The following NPAS3 variants were observed in gnomAD, a reference collection of about 807,000 sequenced individuals.
NPAS3 encodes the protein neuronal PAS domain-containing protein 3.
NPAS3 carries 14 observed loss-of-function variants against 73.1 expected under a neutral mutation model. The observed-to-expected ratio is 0.19, with a 90% CI of 0.13 to 0.30. The LOEUF (loss-of-function observed/expected upper bound fraction) is 0.30. NPAS3 is among the 10% of genes least tolerant of loss of function. The probability of loss-of-function intolerance (pLI) is 1.00; values close to 1 mark genes in which losing one functional copy is unlikely to be tolerated. For missense variants in NPAS3, 1,096 were observed against 1,250.0 expected, an observed-to-expected ratio of 0.88 and a Z score of 1.86; for synonymous variants, 620 against 541.5, an observed-to-expected ratio of 1.14 and a Z score of -2.01.
At chr14:33,065,557 G>T (rs967732020) in intron 2 of NPAS3, among the ~76,000 whole-genome samples, 3 of 152,074 alleles carry the variant, frequency 2.0e-5, no homozygotes, top group African/African-American at 7.2e-5. Flanking sequence ...TGGCAAATTT[G>T]AGACGTTGTG....
At chr14:33,170,180 C>T (rs558969516) in intron 2 of NPAS3, among the ~76,000 whole-genome samples, 45 of 152,194 alleles carry the variant, frequency 3.0e-4, no homozygotes, top group Admixed American at 2.2e-3. Context: ...TACAATAAAA[C>T]GAATATCACA....
intron 7 of NPAS3, among the ~76,000 whole-genome samples, chr14:33,748,213 C>T (rs1031876125): frequency 6.6e-6 from 1 of 151,922 alleles, no homozygotes; most frequent in East Asian, 1.9e-4. Flanking sequence ...TGTTCTAGTC[C>T]CTTTAAAAGA....
In NPAS3 at chr14:33,800,746, G is replaced by A. The variant is rs770246585; in HGVS notation, c.2439G>A (p.Leu813=). 1.4e-5 allele frequency: 22 copies of A among 1,561,326 alleles called. No individual in the cohort carries two copies. Among genetic ancestry groups the A allele is most frequent in the Middle Eastern group, 1.8e-4 (1 of 5,686 alleles). ...TGGTGCACAGGGTGACCGGGACCCT[G>A]GCCGCCACCAGCACGGCCGCGCAGA... The change falls in exon 12 of 12, where the codon CTG becomes CTA. Residue 813 remains leucine, a synonymous_variant. Coordinates refer to ENST00000356141, the Ensembl canonical transcript of NPAS3. This position sits in a 1 kb window ranked among gnomAD's most constrained non-coding sequence, Gnocchi z 6.5.
intron 1 of NPAS3, among the ~76,000 whole-genome samples, chr14:33,018,718 TTTAG>T (rs1440200964): frequency 6.6e-6 from 1 of 152,152 alleles, no homozygotes; most frequent in Non-Finnish European, 1.5e-5. Context: ...AAACCATAAT[TTTAG>T]TTAGTAAAAT....
At chr14:33,324,103 G>A (rs2043581826) in intron 3 of NPAS3, among the ~76,000 whole-genome samples, 1 of 152,224 alleles carries the variant, frequency 6.6e-6, no homozygotes, top group African/African-American at 2.4e-5. Context: ...TGAGTGGAAG[G>A]TTTGACAGTT....
intron 4 of NPAS3, among the ~76,000 whole-genome samples, chr14:33,399,396 A>T (rs1444006339): frequency 6.6e-6 from 1 of 152,064 alleles, no homozygotes; most frequent in Non-Finnish European, 1.5e-5. Flanking sequence ...CCCTGAAAGT[A>T]TGCAGGCTGT....
At chr14:33,329,365 T>C (rs2043873966) in intron 3 of NPAS3, among the ~76,000 whole-genome samples, 1 of 152,120 alleles carries the variant, frequency 6.6e-6, no homozygotes, top group Non-Finnish European at 1.5e-5. Context: ...ATGAAGCCTG[T>C]GCTGTTGTGA....
chr14:33,294,687 C>G (rs1349035586), intron 3 of NPAS3, among the ~76,000 whole-genome samples: 1 of 152,052 alleles, frequency 6.6e-6, no homozygotes, highest in Admixed American at 6.6e-5. Context: ...GCATCACTAC[C>G]CGTAAATAAT....
chr14:33,656,855 C>T (rs888710603), intron 5 of NPAS3, among the ~76,000 whole-genome samples: 3 of 152,170 alleles, frequency 2.0e-5, no homozygotes, highest in Non-Finnish European at 2.9e-5. Context: ...CAAAATCTCC[C>T]ATTTCCTTCA....
intron 1 of NPAS3, among the ~76,000 whole-genome samples, chr14:33,005,281 T>C (rs568288853): frequency 2.5e-4 from 38 of 152,262 alleles, no homozygotes; most frequent in Admixed American, 3.9e-4. Context: ...ACAATGTCAG[T>C]AGGTGATAGG....
chr14:33,553,074 T>C (rs577052230), intron 4 of NPAS3, among the ~76,000 whole-genome samples: 4 of 152,328 alleles, frequency 2.6e-5, no homozygotes, highest in East Asian at 1.9e-4. Context: ...AGAGATAATA[T>C]GGAGTTGCCC....
At chr14:33,303,540 G>T (rs2042637032) in intron 3 of NPAS3, among the ~76,000 whole-genome samples, 2 of 151,976 alleles carry the variant, frequency 1.3e-5, no homozygotes, top group South Asian at 4.1e-4. Flanking sequence ...TCATTTCTAG[G>T]TTATTTTCTG....
At chr14:33,242,528 A>G (rs2048244444) in intron 3 of NPAS3, among the ~76,000 whole-genome samples, 1 of 152,110 alleles carries the variant, frequency 6.6e-6, no homozygotes, top group South Asian at 2.1e-4. Flanking sequence ...TTAGTGAATC[A>G]TTTTTCATTC....
intron 7 of NPAS3, among the ~76,000 whole-genome samples, chr14:33,771,524 T>C (rs2062651170): frequency 6.6e-6 from 1 of 152,190 alleles, no homozygotes; most frequent in Non-Finnish European, 1.5e-5. Context: ...TAAACTGGCA[T>C]CTGGTGGCTG....
At chr14:33,315,270 A>T (rs1229267775) in intron 3 of NPAS3, among the ~76,000 whole-genome samples, 1 of 152,088 alleles carries the variant, frequency 6.6e-6, no homozygotes. Flanking sequence ...ATACAAAACT[A>T]TGTGTGAATA....
Position 33,770,305 on chromosome 14 carries a change from C to A in NPAS3, c.853-4032C>A, listed in dbSNP as rs570782273. ...TGCAAACAAATGCTGGACTGTAACC[C>A]AATCCTATCAAATTAGAACTCTGGG... On this transcript the variant is annotated intron_variant, in intron 7 of 11. Transcript: ENST00000356141. 3.3e-5 allele frequency among the ~76,000 whole-genome samples: 5 copies of A among 152,286 alleles called. No homozygotes were observed. In the East Asian group the frequency reaches 7.7e-4, roughly 24 times the overall value.
chr14:33,627,255 G>A (rs934912732), intron 5 of NPAS3, among the ~76,000 whole-genome samples: 5 of 152,152 alleles, frequency 3.3e-5, no homozygotes, highest in Middle Eastern at 6.8e-3. Context: ...CTCATATAAC[G>A]TACAAATAAA....
intron 3 of NPAS3, among the ~76,000 whole-genome samples, chr14:33,301,582 T>C (rs1036375302): frequency 3.9e-5 from 6 of 152,040 alleles, no homozygotes; most frequent in African/African-American, 1.4e-4. Flanking sequence ...CGAACTGGAA[T>C]GTTAAAATGA....
intron 1 of NPAS3, among the ~76,000 whole-genome samples, chr14:33,002,469 T>G (rs1487529425): frequency 2.0e-5 from 3 of 152,194 alleles, no homozygotes; most frequent in African/African-American, 7.2e-5. Flanking sequence ...TGTAGGATCC[T>G]GTCAAGTTGC....
Sources: allele counts gnomAD v4.1 joint callset (sites outside exome capture counted in the v4.1 genomes callset), GRCh38; gene constraint gnomAD v4.1.1; non-coding constraint Gnocchi (gnomAD v3.1); transcripts MANE v1.5; gene names NCBI Gene and HGNC (gene_info 2026-07-23, HGNC 2026-07-21).